The following PRLR variants were observed in gnomAD, a reference collection of about 807,000 sequenced individuals.
The protein encoded by PRLR is prolactin receptor, also known as hPRL receptor.
PRLR carries 13 observed loss-of-function variants against 40.2 expected under a neutral mutation model. The observed-to-expected ratio is 0.32, with a 90% CI of 0.21 to 0.51. The LOEUF is 0.51. Among genes scored for constraint, PRLR ranks in the 20% least tolerant of loss-of-function variants. The pLI is 0.97. For synonymous variants in PRLR, 269 were observed against 278.7 expected, an observed-to-expected ratio of 0.97 and a Z score of 0.35; for missense variants, 656 against 747.3, an observed-to-expected ratio of 0.88 and a Z score of 1.42.
intron 1 of PRLR, among the ~76,000 whole-genome samples, chr5:35,228,265 T>A (rs537967543): frequency 2.7e-5 from 4 of 150,580 alleles, no homozygotes; most frequent in African/African-American, 9.8e-5. Flanking sequence ...CAGCATTATT[T>A]TCATTGTGCT....
At chr5:35,187,444 TG>T (rs1775477812) in intron 1 of PRLR, among the ~76,000 whole-genome samples, 1 of 150,820 alleles carries the variant, frequency 6.6e-6, no homozygotes, top group Non-Finnish European at 1.5e-5. Context: ...GGAGTAAATG[TG>T]AGAATTCTAA....
chr5:35,173,814 G>A (rs112002473), intron 1 of PRLR, among the ~76,000 whole-genome samples: 13 of 151,812 alleles, frequency 8.6e-5, no homozygotes, highest in African/African-American at 2.7e-4. Context: ...TTTTTTTGTT[G>A]TTGTTTCTTT....
In PRLR at chr5:35,057,037, ATGT is replaced by A. The variant is rs1768763824; in HGVS notation, c.*8049_*8051del. The A allele has an allele frequency of 1.3e-5, 2 of 152,196 alleles. No individual in the cohort carries two copies. The highest frequency in any genetic ancestry group is 2.4e-5 in the African/African-American group (1 of 41,456). The allele number at this position is 152,196 out of a possible 1,614,324, so 9.4% of individuals were successfully genotyped here. ...CATCTGATGGATTTTGTCAGAAAAGATGTTGTTAATAATATGGATAAATAATAA... is the reference window on the plus strand; with the variant it reads ...CATCTGATGGATTTTGTCAGAAAAGATGTTAATAATATGGATAAATAATAA... On this transcript the variant is annotated 3_prime_UTR_variant, in exon 10 of 10. Transcript: ENST00000618457.
chr5:35,124,569 G>A lies in PRLR; in HGVS notation c.-105-6447C>T, dbSNP rs142113194. ...TAGTAATCTACTGGGGAATATTGAA[G>A]TCCCTTTTGCAGGCACTGACATCCA... On this transcript the variant is annotated intron_variant, in intron 1 of 9. Coordinates refer to ENST00000618457, the MANE Select transcript of PRLR (RefSeq NM_000949.7). Among the ~76,000 whole-genome samples, 9 of 152,290 alleles carry A rather than the reference G, an allele frequency of 5.9e-5. No homozygotes were observed. In the East Asian group the frequency reaches 1.5e-3, roughly 26 times the overall value.
chr5:35,086,320 G>A lies in PRLR; in HGVS notation c.91C>T (p.Pro31Ser), dbSNP rs781043101. ...GGAGAACGACATTTAAAGATCTCAG[G>A]TTTTCCAGGAGGTAACTGTCCTAGA... is the stretch of plus-strand genomic sequence containing the variant. ...LLNGQLPPGK[P>S]EIFKCRSPNK... is the part of the protein sequence containing the mutation. The change falls in exon 4 of 10, where the codon CCT becomes TCT. Residue 31 changes from proline to serine, a missense_variant. Physicochemically the swap from Pro to Ser is moderately conservative, Grantham distance 74 (BLOSUM62 -1). This residue lies in a region of PRLR where 180 missense variants were observed against 236.8 expected (regional missense o/e 0.76). Coordinates refer to ENST00000618457, the MANE Select transcript of PRLR (RefSeq NM_000949.7). The A allele has an allele frequency of 5.0e-6, 8 of 1,613,624 alleles. No homozygotes were observed. Among genetic ancestry groups the A allele is most frequent in the Non-Finnish European group, 6.8e-6 (8 of 1,179,892 alleles).
intron 1 of PRLR, among the ~76,000 whole-genome samples, chr5:35,184,179 A>C (rs1775365012): frequency 6.6e-6 from 1 of 152,224 alleles, no homozygotes; most frequent in East Asian, 1.9e-4. Flanking sequence ...GGTTATCCTC[A>C]GAAGAGTATT....
At chr5:35,068,121 A>G in intron 9 of PRLR, 95 bp downstream of exon 9, 1 of 1,193,130 alleles carries the variant, frequency 8.4e-7, no homozygotes, top group Non-Finnish European at 1.2e-6. Flanking sequence ...GGCTGAAACT[A>G]CCAGGCTGAA....
chr5:35,226,477 C>T (rs4254878), intron 1 of PRLR, among the ~76,000 whole-genome samples: 106,268 of 152,088 alleles, frequency 0.7, 38,165 homozygotes, highest in Middle Eastern at 0.8. Context: ...TAGAATAGTA[C>T]AGTAGGCATT....
chr5:35,152,967 G>C (rs1046428857), intron 1 of PRLR: 2 of 152,150 alleles, frequency 1.3e-5, no homozygotes, highest in African/African-American at 4.8e-5. Flanking sequence ...CTTGGTATCC[G>C]TAAGACCTGG....
At chr5:35,135,385 T>A (rs970479669) in intron 1 of PRLR, 26 of 152,338 alleles carry the variant, frequency 1.7e-4, no homozygotes, top group African/African-American at 6.3e-4. Flanking sequence ...GTGTACGCGT[T>A]GGCTTCTGGT....
At chr5:35,211,805 A>G (rs1483635817) in intron 1 of PRLR, among the ~76,000 whole-genome samples, 2 of 152,362 alleles carry the variant, frequency 1.3e-5, no homozygotes, top group Non-Finnish European at 1.5e-5. Flanking sequence ...ATGATACCAG[A>G]TTCATAAAAT....
chr5:35,090,791 C>CTTT lies in PRLR; in HGVS notation c.-43-1131_-43-1129dup, dbSNP rs554800498. 2.2e-4 allele frequency among the ~76,000 whole-genome samples: 13 copies of CTTT among 59,154 alleles called. 3 individuals are homozygous for CTTT. Among genetic ancestry groups the CTTT allele is most frequent in the East Asian group, 1.6e-3 (4 of 2,494 alleles). 38.8% of individuals were successfully genotyped at this position (59,154 alleles called of 152,430 possible). On this transcript the variant is annotated intron_variant, in intron 2 of 9. Coordinates refer to ENST00000618457, the MANE Select transcript of PRLR (RefSeq NM_000949.7). ...GGCACCCAGGTACCATCAATTAGCT[C>CTTT]TTTTTTTTTTTTTTTTTTTTTTTTT...
intron 1 of PRLR, among the ~76,000 whole-genome samples, chr5:35,158,854 A>G (rs958238874): frequency 6.6e-6 from 1 of 152,218 alleles, no homozygotes; most frequent in Non-Finnish European, 1.5e-5. Context: ...CACAGAGGAA[A>G]GCAGAGATAA....
rs1001108999 is a variant in PRLR at position 35,059,810 on chromosome 5, C to T, written c.*5279G>A. ...GTATTTTTAAAGCTTCTCCTTCAGACCTCCAGTATCTAGTCATCGAAGTAA... is the reference window on the plus strand; with the variant it reads ...GTATTTTTAAAGCTTCTCCTTCAGATCTCCAGTATCTAGTCATCGAAGTAA... On this transcript the variant is annotated 3_prime_UTR_variant, in exon 10 of 10. Coordinates refer to ENST00000618457, the MANE Select transcript of PRLR (RefSeq NM_000949.7). 5 of 152,268 alleles carry T rather than the reference C, an allele frequency of 3.3e-5. No individual in the cohort carries two copies. The highest frequency in any genetic ancestry group is 2.1e-4 in the South Asian group (1 of 4,824). The allele number at this position is 152,268 out of a possible 1,614,324, so 9.4% of individuals were successfully genotyped here.
At chr5:35,138,825 C>G (rs1195641615) in intron 1 of PRLR, among the ~76,000 whole-genome samples, 2 of 152,126 alleles carry the variant, frequency 1.3e-5, no homozygotes, top group African/African-American at 4.8e-5. Context: ...ATTGTTTTAT[C>G]TGCTGCCATT....
At chr5:35,132,738 G>A (rs1477554687) in intron 1 of PRLR, among the ~76,000 whole-genome samples, 2 of 152,274 alleles carry the variant, frequency 1.3e-5, no homozygotes, top group East Asian at 1.9e-4. Context: ...TAGGACATTC[G>A]TATGCAATGA....
At chr5:35,187,992 T>C (rs1042239175) in intron 1 of PRLR, among the ~76,000 whole-genome samples, 1 of 152,332 alleles carries the variant, frequency 6.6e-6, no homozygotes, top group South Asian at 2.1e-4. Context: ...AACTGTTAAC[T>C]GCATATCCCC....
chr5:35,106,692 T>C (rs537755594), intron 2 of PRLR, among the ~76,000 whole-genome samples: 1 of 152,300 alleles, frequency 6.6e-6, no homozygotes, highest in Admixed American at 6.5e-5. Flanking sequence ...TAAATATACA[T>C]GCACCCAATA....
chr5:35,138,212 G>A (rs1189235994), intron 1 of PRLR, among the ~76,000 whole-genome samples: 3 of 152,194 alleles, frequency 2.0e-5, no homozygotes. Context: ...TCTTCAGTAA[G>A]AATGGCCTTT....
Sources: allele counts gnomAD v4.1 joint callset (sites outside exome capture counted in the v4.1 genomes callset), GRCh38; gene constraint gnomAD v4.1.1; regional missense constraint gnomAD v4.1.1; transcripts MANE v1.5; gene names NCBI Gene and HGNC (gene_info 2026-07-23, HGNC 2026-07-21).